LARGE1: variants seen among roughly 807,000 people sequenced by gnomAD.
LARGE1 encodes xylosyl- and glucuronyltransferase LARGE1.
Under a neutral mutation model 87.6 loss-of-function variants are expected in LARGE1, and 43 were observed. That is an observed-to-expected ratio of 0.49 (90% CI 0.38 to 0.63). LARGE1 has a LOEUF of 0.63. LARGE1 is among the 30% of genes least tolerant of loss of function. The pLI is 0.00. For missense variants in LARGE1, 802 were observed against 1,000.2 expected (o/e 0.80, Z 2.67); for synonymous variants, 434 against 394.6 (o/e 1.10, Z -1.18).
intron 7 of LARGE1, among the ~76,000 whole-genome samples, chr22:33,395,160 C>A (rs578193812): frequency 7.3e-6 from 1 of 137,608 alleles, no homozygotes; most frequent in African/African-American, 2.8e-5. Flanking sequence ...ACCCCGGAGG[C>A]GGAGCTTGCA....
chr22:33,426,622 A>G (rs1296539537), intron 7 of LARGE1, among the ~76,000 whole-genome samples: 1 of 152,246 alleles, frequency 6.6e-6, no homozygotes, highest in East Asian at 1.9e-4. Context: ...TCTCTGCCAC[A>G]GAATTTTCCA....
chr22:33,432,181 A>T lies in LARGE1; in HGVS notation c.872T>A (p.Leu291His). The change falls in exon 7 of 15, where the codon CTT becomes CAT. Residue 291 changes from leucine (L) to histidine (H), a missense_variant. Leu to His is a moderately conservative substitution (Grantham distance 99). Around this residue, in one of 2 missense-constraint regions of LARGE1, gnomAD observed 625 missense variants for 841.9 expected, o/e 0.74. Transcript: ENST00000397394. ...TTTACCTGTGTTGTAGCCTCTTCCA[A>T]GGGCTGGCCATGGGCGGTGATTTTT... ...LWKNHRPWPA[L>H]GRGYNTGVIL... 6.2e-7 allele frequency: 1 copy of T among 1,614,016 alleles called. No individual in the cohort carries two copies. Among genetic ancestry groups the T allele is most frequent in the Admixed American group, 1.7e-5 (1 of 60,010 alleles).
At position 33,359,560 on chromosome 22, in the gene LARGE1, CT is replaced by C. The variant is rs539990533; in HGVS notation, c.1132-21760del. The stretch of plus-strand genomic sequence containing the variant: ...GAACGACCCTGTATGGCAGACTCAT[CT>C]TTTTTTTTTTTTTTTTTTTTGAGAT... On this transcript the variant is annotated intron_variant, in intron 9 of 14. Transcript: ENST00000397394. 7.2e-3 allele frequency among the ~76,000 whole-genome samples: 858 copies of C among 119,228 alleles called. 6 individuals carry two copies. The highest frequency in any genetic ancestry group is 0.016 in the African/African-American group (525 of 32,208). 78.2% of individuals were successfully genotyped at this position (119,228 alleles called of 152,430 possible).
At chr22:33,236,431 TATGTTC>T (rs1363645671) in intron 11 of LARGE1, among the ~76,000 whole-genome samples, 3 of 152,236 alleles carry the variant, frequency 2.0e-5, no homozygotes, top group Admixed American at 6.5e-5. Flanking sequence ...TGGAAATTCA[TATGTTC>T]TGTTTCTGTT....
chr22:33,349,198 T>C (rs939591722), intron 9 of LARGE1, among the ~76,000 whole-genome samples: 1 of 152,176 alleles, frequency 6.6e-6, no homozygotes, highest in South Asian at 2.1e-4. Flanking sequence ...TCAGATTGAA[T>C]TATAACACTG....
intron 2 of LARGE1, chr22:33,743,968 C>T (rs903095294): frequency 1.3e-5 from 2 of 152,220 alleles, no homozygotes; most frequent in African/African-American, 2.4e-5. Flanking sequence ...GCAATCCACT[C>T]AGCCACTCTC....
intron 1 of LARGE1, among the ~76,000 whole-genome samples, chr22:33,813,361 A>G (rs1440386838): frequency 6.6e-6 from 1 of 152,100 alleles, no homozygotes; most frequent in Non-Finnish European, 1.5e-5. Context: ...TCAGGATTGT[A>G]TGCTCTTTTG....
intron 1 of LARGE1, among the ~76,000 whole-genome samples, chr22:33,897,656 T>G (rs1293432790): frequency 6.6e-6 from 1 of 152,012 alleles, no homozygotes; most frequent in Non-Finnish European, 1.5e-5. Context: ...ATTACGAGAG[T>G]CTAAGTGACT....
chr22:33,390,664 G>A (rs1373082518), intron 7 of LARGE1, among the ~76,000 whole-genome samples: 1 of 151,210 alleles, frequency 6.6e-6, no homozygotes, highest in Non-Finnish European at 1.5e-5. Flanking sequence ...CAAACCAGAG[G>A]GGACTCTGTC....
At chr22:33,713,888 T>C (rs8136903) in intron 2 of LARGE1, among the ~76,000 whole-genome samples, 17,994 of 151,890 alleles carry the variant, frequency 0.12, 1,587 homozygotes, top group African/African-American at 0.24. Flanking sequence ...TTTGGGAGGT[T>C]GAGGCTGCAG....
chr22:33,805,724 ACT>A (rs2086286087), intron 1 of LARGE1, among the ~76,000 whole-genome samples: 1 of 150,598 alleles, frequency 6.6e-6, no homozygotes, highest in South Asian at 2.1e-4. Flanking sequence ...ACAGAGCAAG[ACT>A]CTGTCTCAAA....
At chr22:33,524,658 T>C (rs1056920791) in intron 6 of LARGE1, among the ~76,000 whole-genome samples, 3 of 150,762 alleles carry the variant, frequency 2.0e-5, no homozygotes, top group African/African-American at 4.9e-5. Context: ...CCAACATGAG[T>C]GTGAGAAAGT....
intron 3 of LARGE1, among the ~76,000 whole-genome samples, chr22:33,642,710 CAAA>C (rs60815644): frequency 0.03 from 524 of 17,210 alleles, 2 homozygotes; most frequent in South Asian, 0.071. Context: ...AAATGGAAAG[CAAA>C]AAAAAAAAAA....
At chr22:33,437,555 G>C (rs922998958) in intron 6 of LARGE1, among the ~76,000 whole-genome samples, 1 of 152,146 alleles carries the variant, frequency 6.6e-6, no homozygotes, top group Non-Finnish European at 1.5e-5. Context: ...AAGCGTCGAT[G>C]AAATAGTAAA....
At chr22:33,168,812 T>C (rs1922407517) in intron 11 of LARGE1, among the ~76,000 whole-genome samples, 1 of 152,226 alleles carries the variant, frequency 6.6e-6, no homozygotes, top group Non-Finnish European at 1.5e-5. Flanking sequence ...TCTCCTTTAA[T>C]ATCTACATCA....
chr22:33,816,674 G>GGATAGATAGATAGATAGATA (rs1556115447), intron 1 of LARGE1, among the ~76,000 whole-genome samples: 49 of 141,422 alleles, frequency 3.5e-4, no homozygotes, highest in African/African-American at 1.3e-3. Context: ...ACGGATGGAT[G>GGATAGATAGATAGATAGATA]GATAGATAGA....
intron 12 of LARGE1, among the ~76,000 whole-genome samples, chr22:33,303,607 G>A (rs750970489): frequency 2.6e-5 from 4 of 152,210 alleles, no homozygotes; most frequent in Non-Finnish European, 4.4e-5. Context: ...AAGAAGGAGG[G>A]TATGTTTTCT....
At chr22:33,539,054 T>G (rs2077116573) in intron 6 of LARGE1, among the ~76,000 whole-genome samples, 1 of 152,168 alleles carries the variant, frequency 6.6e-6, no homozygotes, top group Admixed American at 6.5e-5. Flanking sequence ...CAAGTATTGT[T>G]TTACGAAAAT....
chr22:33,854,961 C>T (rs548133586), intron 1 of LARGE1, among the ~76,000 whole-genome samples: 1 of 152,242 alleles, frequency 6.6e-6, no homozygotes, highest in African/African-American at 2.4e-5. Flanking sequence ...AGAGGCAGGA[C>T]CACAAGGCAT....
Sources: allele counts gnomAD v4.1 joint callset (sites outside exome capture counted in the v4.1 genomes callset), GRCh38; gene constraint gnomAD v4.1.1; regional missense constraint gnomAD v4.1.1; transcripts MANE v1.5; gene names NCBI Gene and HGNC (gene_info 2026-07-23, HGNC 2026-07-21).